CHCHD3: variants seen among roughly 807,000 people sequenced by gnomAD.
CHCHD3 encodes the protein MICOS complex subunit MIC19.
In CHCHD3, 20 loss-of-function variants were observed where a neutral mutation model predicts 38.2. The observed-to-expected ratio is 0.52, with a 90% CI of 0.37 to 0.76. The LOEUF is 0.76. Among genes scored for constraint, CHCHD3 ranks in the 30% least tolerant of loss-of-function variants. The pLI is 0.00. For missense variants in CHCHD3, 245 were observed against 279.2 expected (o/e 0.88, Z 0.87); for synonymous variants, 82 against 100.0 (o/e 0.82, Z 1.07).
In CHCHD3 at chr7:132,885,544, T is replaced by A. The variant is rs533364809; in HGVS notation, c.453+118A>T. On this transcript the variant is annotated intron_variant, in intron 5 of 7. Coordinates refer to ENST00000262570, the MANE Select transcript of CHCHD3 (RefSeq NM_017812.4). ...CTAACTACCTGCTTTGCTTCTTCAC[T>A]TCCTGGCCACTTTACAACCAGGAAA... is the stretch of plus-strand genomic sequence containing the variant. The A allele has an allele frequency of 9.1e-6, 7 of 770,692 alleles. No homozygotes were observed. In the South Asian group the frequency reaches 1.4e-4, roughly 15 times the overall value. 47.7% of individuals were successfully genotyped at this position (770,692 alleles called of 1,614,324 possible). A position where few individuals can be genotyped will look rare whatever the true frequency, so the allele number is the denominator to read the frequency against.
intron 4 of CHCHD3, among the ~76,000 whole-genome samples, chr7:132,974,829 G>A (rs1296884332): frequency 3.3e-5 from 5 of 150,954 alleles, no homozygotes; most frequent in Non-Finnish European, 5.9e-5. Flanking sequence ...AGCTGAGATC[G>A]CACCACTGCA....
At chr7:132,833,604 G>C (rs1469885696) in intron 6 of CHCHD3, among the ~76,000 whole-genome samples, 4 of 152,116 alleles carry the variant, frequency 2.6e-5, no homozygotes, top group Non-Finnish European at 5.9e-5. Context: ...TGTTTTCTTA[G>C]TTGTATATTC....
intron 2 of CHCHD3, among the ~76,000 whole-genome samples, chr7:133,055,867 G>T (rs779628306): frequency 6.6e-6 from 1 of 152,038 alleles, no homozygotes; most frequent in South Asian, 2.1e-4. Context: ...GATAGAGCCA[G>T]GGCAGTGGCT....
At chr7:132,883,117 C>T (rs956971501) in intron 5 of CHCHD3, among the ~76,000 whole-genome samples, 1 of 152,162 alleles carries the variant, frequency 6.6e-6, no homozygotes, top group African/African-American at 2.4e-5. Context: ...CCTGAGGCCT[C>T]CCTAGCCATG....
chr7:133,064,006 C>G (rs1427316063), intron 2 of CHCHD3, among the ~76,000 whole-genome samples: 1 of 152,210 alleles, frequency 6.6e-6, no homozygotes, highest in Non-Finnish European at 1.5e-5. Context: ...GCTCCTGACA[C>G]TCTTTCTCTA....
rs1809712231 is a variant in CHCHD3 at position 132,903,176 on chromosome 7, A to G, written c.370-17431T>C. Among the ~76,000 whole-genome samples the G allele has an allele frequency of 2.6e-5, 4 of 152,220 alleles. No homozygotes were observed. In the South Asian group the frequency reaches 8.3e-4, roughly 32 times the overall value. On this transcript the variant is annotated intron_variant, in intron 4 of 7. Transcript: ENST00000262570. ...CCACAAACGCTCAAGTCCCTGATAT[A>G]AAATGGCATAGTATTTGCATATAAA...
chr7:132,921,593 C>G lies in CHCHD3; in HGVS notation c.370-35848G>C, dbSNP rs78886850. On this transcript the variant is annotated intron_variant, in intron 4 of 7. Transcript: ENST00000262570. ...TACTGAAATAAAGAAGAGCTTGAGA[C>G]CTTTATTAAATACAAAACAGAAATA... Among the ~76,000 whole-genome samples, 688 of 152,054 alleles carry G rather than the reference C, an allele frequency of 4.5e-3. 12 individuals are homozygous for G. Among genetic ancestry groups the G allele is most frequent in the East Asian group, 0.033 (172 of 5,170 alleles).
intron 5 of CHCHD3, among the ~76,000 whole-genome samples, chr7:132,864,194 T>G (rs1204093352): frequency 6.6e-6 from 1 of 152,342 alleles, no homozygotes; most frequent in East Asian, 1.9e-4. Context: ...GATGTGTGAC[T>G]CTTCCTTTCA....
intron 4 of CHCHD3, among the ~76,000 whole-genome samples, chr7:132,889,010 A>G (rs927998209): frequency 3.3e-5 from 5 of 152,080 alleles, no homozygotes; most frequent in South Asian, 2.1e-4. Context: ...CTTATTTCCT[A>G]TAATGAACAG....
intron 3 of CHCHD3, among the ~76,000 whole-genome samples, chr7:133,015,015 G>T (rs1812988319): frequency 6.6e-6 from 1 of 152,148 alleles, no homozygotes; most frequent in African/African-American, 2.4e-5. Flanking sequence ...AACTGCCATT[G>T]TCACTGAAAA....
chr7:132,984,700 C>T (rs543192053), intron 3 of CHCHD3, among the ~76,000 whole-genome samples: 20 of 151,108 alleles, frequency 1.3e-4, no homozygotes, highest in East Asian at 1.2e-3. Flanking sequence ...TGAGGAGCGT[C>T]TCTGCCCGGC....
intron 2 of CHCHD3, among the ~76,000 whole-genome samples, chr7:133,059,776 A>T (rs182887595): frequency 6.6e-6 from 1 of 152,182 alleles, no homozygotes. Flanking sequence ...AACCAACCTA[A>T]GAGAAAGACC....
At chr7:132,860,816 G>T (rs911541419) in intron 5 of CHCHD3, among the ~76,000 whole-genome samples, 1 of 152,104 alleles carries the variant, frequency 6.6e-6, no homozygotes, top group African/African-American at 2.4e-5. Context: ...TAGAGACAAG[G>T]TTTCACCATG....
intron 2 of CHCHD3, among the ~76,000 whole-genome samples, chr7:133,051,164 C>A (rs200741374): frequency 1.3e-5 from 2 of 152,160 alleles, no homozygotes; most frequent in East Asian, 3.9e-4. Flanking sequence ...ACAATTACAC[C>A]TGCTAGCTTT....
chr7:132,904,946 A>G (rs1475807403), intron 4 of CHCHD3, among the ~76,000 whole-genome samples: 3 of 152,206 alleles, frequency 2.0e-5, no homozygotes, highest in Non-Finnish European at 2.9e-5. Flanking sequence ...ATGCCAGGAC[A>G]TGGATGAAGC....
chr7:132,985,409 T>G (rs1481423654), intron 3 of CHCHD3, among the ~76,000 whole-genome samples: 1 of 35,268 alleles, frequency 2.8e-5, no homozygotes, highest in African/African-American at 1.1e-4. Context: ...CCAGCCGCCC[T>G]ATCCGGGAGG....
intron 2 of CHCHD3, among the ~76,000 whole-genome samples, chr7:133,059,932 T>C (rs1405405049): frequency 6.6e-6 from 1 of 152,160 alleles, no homozygotes; most frequent in Non-Finnish European, 1.5e-5. Flanking sequence ...GTACAGAACA[T>C]GGGAAGCGAA....
chr7:132,885,908 T>A (rs1360529698), intron 4 of CHCHD3, among the ~76,000 whole-genome samples, 163 bp from the exon 5 acceptor site: 1 of 152,168 alleles, frequency 6.6e-6, no homozygotes, highest in African/African-American at 2.4e-5. Flanking sequence ...TTGCTGTATT[T>A]AAATGTAAAG....
At chr7:133,078,822 G>A (rs1815083757) in intron 1 of CHCHD3, among the ~76,000 whole-genome samples, 1 of 152,188 alleles carries the variant, frequency 6.6e-6, no homozygotes. Context: ...TACAACCAAT[G>A]ACATAAATGC....
Sources: allele counts gnomAD v4.1 joint callset (sites outside exome capture counted in the v4.1 genomes callset), GRCh38; gene constraint gnomAD v4.1.1; transcripts MANE v1.5; gene names NCBI Gene and HGNC (gene_info 2026-07-23, HGNC 2026-07-21).